Variants in SLC24A2 observed in about 807,000 individuals in gnomAD.
SLC24A2 encodes the protein solute carrier family 24 member 2.
A neutral mutation model predicts 62.0 loss-of-function variants in SLC24A2; 36 were observed. The observed-to-expected ratio is 0.58, with a 90% CI of 0.44 to 0.77. The LOEUF (loss-of-function observed/expected upper bound fraction) is 0.77. Ranked by LOEUF, SLC24A2 falls within the 30% of genes least tolerant of loss-of-function variation. SLC24A2 has a pLI of 0.00. For synonymous variants in SLC24A2, 358 were observed against 294.0 expected, an observed-to-expected ratio of 1.22 and a Z score of -2.23; for missense variants, 846 against 817.9, an observed-to-expected ratio of 1.03 and a Z score of -0.42.
the SLC24A2 span, among the ~76,000 whole-genome samples, chr9:20,218,970 C>T: frequency 2.0e-5 from 3 of 152,216 alleles, no homozygotes; most frequent in South Asian, 2.1e-4. Flanking sequence ...TGATGAAGTG[C>T]TGAGGGCTTA....
chr9:19,774,870 C>A (rs1379017179), intron 2 of SLC24A2, among the ~76,000 whole-genome samples: 1 of 152,218 alleles, frequency 6.6e-6, no homozygotes, highest in African/African-American at 2.4e-5. Context: ...CATGACCTAA[C>A]TATCTCTTCT....
chr9:19,795,948 A>T, the SLC24A2 span, among the ~76,000 whole-genome samples: 2 of 147,074 alleles, frequency 1.4e-5, no homozygotes, highest in Non-Finnish European at 3.0e-5. Context: ...CCATAAAAAA[A>T]TGATGAGTTC....
intron 8 of SLC24A2, among the ~76,000 whole-genome samples, chr9:19,533,214 C>T (rs904954882): frequency 1.3e-5 from 2 of 152,160 alleles, no homozygotes; most frequent in Admixed American, 1.3e-4. Context: ...TTGGTATGTT[C>T]ATCTTCTTGG....
At chr9:19,797,800 C>T in the SLC24A2 span, among the ~76,000 whole-genome samples, 5 of 152,306 alleles carry the variant, frequency 3.3e-5, no homozygotes, top group South Asian at 2.1e-4. Flanking sequence ...GAATCAACCT[C>T]CCCCTTTTTG....
the SLC24A2 span, among the ~76,000 whole-genome samples, chr9:19,974,970 G>A: frequency 1.3e-5 from 2 of 152,148 alleles, no homozygotes; most frequent in African/African-American, 4.8e-5. Context: ...ATGGGAGGAA[G>A]GCTCCTTTTT....
the SLC24A2 span, among the ~76,000 whole-genome samples, chr9:19,820,024 T>C: frequency 6.8e-4 from 41 of 60,306 alleles, no homozygotes; most frequent in African/African-American, 1.3e-3. Context: ...TATATATATA[T>C]ACACATATAT....
intron 2 of SLC24A2, among the ~76,000 whole-genome samples, chr9:19,755,728 GC>G (rs1822120285): frequency 6.6e-6 from 1 of 152,108 alleles, no homozygotes; most frequent in South Asian, 2.1e-4. Context: ...CCATAATCTG[GC>G]TCCTTAGTTT....
the SLC24A2 span, among the ~76,000 whole-genome samples, chr9:20,260,845 C>CTT: frequency 5.2e-4 from 57 of 110,522 alleles, no homozygotes; most frequent in African/African-American, 1.4e-3. Flanking sequence ...ACGTATCATT[C>CTT]TTTCTTTTTT....
At chr9:19,829,826 C>CTTTTTT in the SLC24A2 span, among the ~76,000 whole-genome samples, 1 of 143,640 alleles carries the variant, frequency 7.0e-6, no homozygotes, top group Non-Finnish European at 1.5e-5. Context: ...CACACACACA[C>CTTTTTT]ACACACACAC....
the SLC24A2 span, among the ~76,000 whole-genome samples, chr9:19,830,134 G>A: frequency 6.6e-6 from 1 of 152,008 alleles, no homozygotes; most frequent in Non-Finnish European, 1.5e-5. Flanking sequence ...ATCTCTCCAG[G>A]GCTGCCATGC....
chr9:20,151,208 T>A, the SLC24A2 span, among the ~76,000 whole-genome samples: 1 of 151,954 alleles, frequency 6.6e-6, no homozygotes, highest in Non-Finnish European at 1.5e-5. Context: ...CTTCCCCTCT[T>A]CCCAATGTTG....
the SLC24A2 span, among the ~76,000 whole-genome samples, chr9:19,870,530 T>G: frequency 9.4e-3 from 1,436 of 152,274 alleles, 17 homozygotes; most frequent in African/African-American, 0.033. Context: ...TACTTAGGAG[T>G]AGTATTACTG....
At chr9:19,659,788 C>T (rs188858741) in intron 2 of SLC24A2, among the ~76,000 whole-genome samples, 4 of 152,234 alleles carry the variant, frequency 2.6e-5, no homozygotes, top group African/African-American at 7.2e-5. Flanking sequence ...GAGGCACAGA[C>T]ACACTTGGAA....
intron 2 of SLC24A2, among the ~76,000 whole-genome samples, chr9:19,660,359 A>C (rs1819060545): frequency 6.6e-6 from 1 of 152,156 alleles, no homozygotes; most frequent in African/African-American, 2.4e-5. Flanking sequence ...CTTGTACTTT[A>C]ATCCTTCTTT....
chr9:19,703,747 C>A (rs1400970420), intron 2 of SLC24A2, among the ~76,000 whole-genome samples: 2 of 152,066 alleles, frequency 1.3e-5, no homozygotes, highest in African/African-American at 4.8e-5. Context: ...TGGTTCACTG[C>A]AGATAGGGGA....
chr9:19,877,589 T>C, the SLC24A2 span, among the ~76,000 whole-genome samples: 2 of 151,606 alleles, frequency 1.3e-5, no homozygotes, highest in Non-Finnish European at 2.9e-5. Context: ...CAAAGCTGGA[T>C]CTGAGATGGC....
At chr9:19,693,696 T>A (rs1344919997) in intron 2 of SLC24A2, among the ~76,000 whole-genome samples, 1 of 152,118 alleles carries the variant, frequency 6.6e-6, no homozygotes, top group Non-Finnish European at 1.5e-5. Flanking sequence ...CAGTTTCATT[T>A]TGTTTTTAAG....
At chr9:19,925,654 C>T in the SLC24A2 span, among the ~76,000 whole-genome samples, 1 of 152,084 alleles carries the variant, frequency 6.6e-6, no homozygotes, top group East Asian at 1.9e-4. Context: ...ATGTATTTTT[C>T]ACAGGAAAGC....
the SLC24A2 span, among the ~76,000 whole-genome samples, chr9:20,183,165 T>A: frequency 1.2e-4 from 18 of 152,210 alleles, no homozygotes; most frequent in Middle Eastern, 0.014. Context: ...CACGGGAGCA[T>A]TTAGTGAGCT....
Sources: gnomAD v4.1 joint callset for allele counts (sites outside exome capture counted in the v4.1 genomes callset) on GRCh38, gnomAD v4.1.1 for gene constraint, MANE v1.5 for transcripts, NCBI Gene and HGNC (gene_info 2026-07-23, HGNC 2026-07-21) for gene names.